MRPL24: variants seen among roughly 807,000 people sequenced by gnomAD.
MRPL24 encodes the protein mitochondrial ribosomal protein L24.
Under a neutral mutation model 26.9 loss-of-function variants are expected in MRPL24, and 15 were observed. That is an observed-to-expected ratio of 0.56 (90% CI 0.37 to 0.86). MRPL24 has a LOEUF of 0.86. Among genes scored for constraint, MRPL24 ranks in the 40% least tolerant of loss-of-function variants. The probability of loss-of-function intolerance (pLI) is 0.00; values close to 1 mark genes in which losing one functional copy is unlikely to be tolerated. For missense variants in MRPL24, 241 were observed against 281.4 expected (o/e 0.86, Z 1.03); for synonymous variants, 92 against 102.4 (o/e 0.90, Z 0.62).
chr1:156,742,601 T>C (rs1403719359), upstream of MRPL24: 1 of 152,862 alleles, frequency 6.5e-6, no homozygotes, highest in Non-Finnish European at 1.5e-5. Flanking sequence ...GGGTGATATA[T>C]ATGACTATAA....
upstream of MRPL24, chr1:156,742,311 G>A (rs1219762679): frequency 6.6e-6 from 1 of 152,610 alleles, no homozygotes; most frequent in East Asian, 1.9e-4. Context: ...TCCTCTCAGT[G>A]GGTTACAAAT....
upstream of MRPL24, chr1:156,742,506 A>C (rs1650192685): frequency 6.6e-6 from 1 of 152,618 alleles, no homozygotes. Context: ...GAGCACACAA[A>C]GGGTTAGGGG....
chr1:156,738,205 C>T, intron 3 of MRPL24, 71 bp from the exon 4 acceptor site: 2 of 1,566,914 alleles, frequency 1.3e-6, no homozygotes, highest in South Asian at 1.1e-5. Flanking sequence ...TCGGCGCATT[C>T]AGCCCAAGTT....
At chr1:156,740,976 G>A (rs1173244885) in intron 1 of MRPL24, 36 bp downstream of exon 1, 1 of 152,290 alleles carries the variant, frequency 6.6e-6, no homozygotes, top group Admixed American at 6.5e-5. Flanking sequence ...AGGCGACTGA[G>A]CCATGGCCAG....
intron 5 of MRPL24, 40 bp from the exon 6 acceptor site, chr1:156,737,574 G>A (rs1649910799): frequency 1.9e-6 from 3 of 1,603,860 alleles, no homozygotes. Flanking sequence ...GGGAGGGCTT[G>A]CCAACTTTCA....
upstream of MRPL24, chr1:156,741,644 T>C (rs968343056): frequency 6.6e-6 from 1 of 152,194 alleles, no homozygotes; most frequent in Non-Finnish European, 1.5e-5. Context: ...CAGGGAGTAC[T>C]GGCGGAATTT....
chr1:156,741,815 T>G (rs1203522462), upstream of MRPL24, among the ~76,000 whole-genome samples: 6 of 152,194 alleles, frequency 3.9e-5, no homozygotes, highest in Admixed American at 2.0e-4. Context: ...ATGGCCATCT[T>G]GGGCTGTGGC....
chr1:156,739,641 T>C (rs941165353), intron 1 of MRPL24, among the ~76,000 whole-genome samples: 7 of 151,590 alleles, frequency 4.6e-5, no homozygotes, highest in African/African-American at 1.7e-4. Context: ...TCTTACTGTA[T>C]GACGCTAGGC....
chr1:156,738,417 C>T lies in MRPL24; in HGVS notation c.205G>A (p.Asp69Asn), dbSNP rs1649962663. The T allele has an allele frequency of 6.2e-7, 1 of 1,614,002 alleles. No homozygotes were observed. Among genetic ancestry groups the T allele is most frequent in the Non-Finnish European group, 8.5e-7 (1 of 1,179,926 alleles). The change falls in exon 3 of 6, where the codon GAT (aspartate) becomes AAT (asparagine). Residue 69 changes from aspartate to asparagine, a missense_variant. Coordinates refer to ENST00000361531, the MANE Select transcript of MRPL24 (RefSeq NM_145729.3). ...GDTVEILEGKDAGKQGKVVQV... is the reference protein window; with the variant it reads ...GDTVEILEGKNAGKQGKVVQV... Reference sequence around the variant, plus strand: ...ACCACTTTGCCCTGCTTCCCGGCATCCTTGCCTTCTAGGATCTCCACCTGT... The same window carrying T: ...ACCACTTTGCCCTGCTTCCCGGCATTCTTGCCTTCTAGGATCTCCACCTGT...
intron 1 of MRPL24, among the ~76,000 whole-genome samples, chr1:156,739,859 G>A (rs919431534): frequency 2.0e-5 from 3 of 151,976 alleles, no homozygotes; most frequent in Middle Eastern, 3.4e-3. Context: ...TAGAGACAGG[G>A]TTTCACCATG....
rs761140936 is a variant in MRPL24, at chr1:156,738,101, G to A, written c.313C>T (p.Arg105Trp). ...GCTTCACTAGGGATCATGGTTCCCC[G>A]GTAATCCATGGTCTTGCCAATGTAG... is the stretch of plus-strand genomic sequence containing the variant. ...YRYIGKTMDY[R>W]GTMIPSEAPL... Residue 105 changes from arginine (R) to tryptophan (W), a missense_variant, in exon 4 of 6, where the codon CGG becomes TGG. Transcript: ENST00000361531. 3.9e-5 allele frequency: 63 copies of A among 1,614,026 alleles called. No individual in the cohort carries two copies. In the East Asian group the frequency reaches 8.7e-4, roughly 22 times the overall value.
Position 156,738,772 on chromosome 1 carries a change from G to T in MRPL24, c.-60-8C>A. The stretch of plus-strand genomic sequence containing the variant: ...AAACCTTCCTTGTCAGCTCTGGGCA[G>T]ATGGATAGAAACGGGAACAAAGAGG... On this transcript the variant is annotated splice_polypyrimidine_tract_variant and splice_region_variant and intron_variant, in intron 1 of 5. Coordinates refer to ENST00000361531, the MANE Select transcript of MRPL24 (RefSeq NM_145729.3). 1 of 1,455,262 alleles carries T rather than the reference G, an allele frequency of 6.9e-7. No homozygotes were observed. Among genetic ancestry groups the T allele is most frequent in the Non-Finnish European group, 9.3e-7 (1 of 1,080,042 alleles). 90.1% of individuals were successfully genotyped at this position (1,455,262 alleles called of 1,614,324 possible).
chr1:156,738,709 G>T lies in MRPL24; in HGVS notation c.-5C>A, dbSNP rs11550899. The T allele has an allele frequency of 6.4e-7, 1 of 1,574,178 alleles. No individual in the cohort carries two copies. Among genetic ancestry groups the T allele is most frequent in the Non-Finnish European group, 8.6e-7 (1 of 1,166,094 alleles). The stretch of plus-strand genomic sequence containing the variant: ...CAGCAGGGCAGAAAGACGCATGCCT[G>T]GAGGTTGTAAGAAATCCCTTTGCCA... On this transcript the variant is annotated 5_prime_UTR_variant, in exon 2 of 6. Transcript: ENST00000361531.
chr1:156,737,874 G>T (rs536187678), intron 4 of MRPL24, 98 bp from the exon 5 acceptor site: 501 of 1,529,992 alleles, frequency 3.3e-4, no homozygotes, highest in Admixed American at 1.6e-3. Flanking sequence ...GGTTACCACC[G>T]CGTTTCTCCA....
Position 156,738,695 on chromosome 1 carries a change from A to C in MRPL24, c.10T>G (p.Ser4Ala). 1 of 1,586,354 alleles carries C rather than the reference A, an allele frequency of 6.3e-7. No homozygotes were observed. Among genetic ancestry groups the C allele is most frequent in the Non-Finnish European group, 8.5e-7 (1 of 1,171,968 alleles). The part of the protein sequence containing the change: MRL[S>A]ALLALASKVT... ...TTGGATGCCAAGGCCAGCAGGGCAGAAAGACGCATGCCTGGAGGTTGTAAG... is the reference window on the plus strand; with the variant it reads ...TTGGATGCCAAGGCCAGCAGGGCAGCAAGACGCATGCCTGGAGGTTGTAAG... The change falls in exon 2 of 6, where the codon TCT (serine) becomes GCT (alanine). Residue 4 changes from serine to alanine, a missense_variant. Ser to Ala is a moderately conservative substitution (Grantham distance 99). Coordinates refer to ENST00000361531, the MANE Select transcript of MRPL24 (RefSeq NM_145729.3).
chr1:156,740,093 G>C (rs1368325467), intron 1 of MRPL24, among the ~76,000 whole-genome samples: 1 of 152,006 alleles, frequency 6.6e-6, no homozygotes, highest in Non-Finnish European at 1.5e-5. Context: ...ATCCCTGTGG[G>C]GTAAATATAC....
upstream of MRPL24, chr1:156,742,487 C>G (rs1358299414): frequency 1.3e-5 from 2 of 152,620 alleles, no homozygotes; most frequent in Non-Finnish European, 2.9e-5. Context: ...GGGGAAGGAG[C>G]AGAATGGAGA....
intron 1 of MRPL24, among the ~76,000 whole-genome samples, chr1:156,739,913 T>C (rs757859449): frequency 9.9e-5 from 15 of 152,134 alleles, no homozygotes; most frequent in Non-Finnish European, 1.8e-4. Context: ...GTGATCCATC[T>C]GCCTTGGCCT....
chr1:156,738,506 T>C lies in MRPL24; in HGVS notation c.183+16A>G. On this transcript the variant is annotated intron_variant, in intron 2 of 5. Coordinates refer to ENST00000361531, the MANE Select transcript of MRPL24 (RefSeq NM_145729.3). ...GGAGGTTCCCCATCACTCTACCCCC[T>C]GTATGAGGCTCTCACCGTGTCCCCA... 1 of 1,614,042 alleles carries C rather than the reference T, an allele frequency of 6.2e-7. No individual in the cohort carries two copies. Among genetic ancestry groups the C allele is most frequent in the Non-Finnish European group, 8.5e-7 (1 of 1,179,918 alleles).
Sources: allele counts gnomAD v4.1 joint callset (sites outside exome capture counted in the v4.1 genomes callset), GRCh38; gene constraint gnomAD v4.1.1; transcripts MANE v1.5; gene names NCBI Gene and HGNC (gene_info 2026-07-23, HGNC 2026-07-21).